SUGCT: variants seen among roughly 807,000 people sequenced by gnomAD.
The protein encoded by SUGCT is succinyl-CoA:glutarate CoA-transferase.
A neutral mutation model predicts 55.0 loss-of-function variants in SUGCT; 41 were observed. The observed-to-expected ratio is 0.74, with a 90% confidence interval of 0.58 to 0.97. SUGCT has a LOEUF of 0.97. SUGCT is among the 50% of genes least tolerant of loss of function. The pLI is 0.00. For synonymous variants in SUGCT, 187 were observed against 200.4 expected, an observed-to-expected ratio of 0.93 and a Z score of 0.56; for missense variants, 568 against 547.8, an observed-to-expected ratio of 1.04 and a Z score of -0.37.
chr7:40,245,821 A>G (rs1202166426), intron 7 of SUGCT, among the ~76,000 whole-genome samples: 1 of 151,870 alleles, frequency 6.6e-6, no homozygotes, highest in Non-Finnish European at 1.5e-5. Context: ...TAAATGGGGT[A>G]TCCATCACCT....
intron 9 of SUGCT, among the ~76,000 whole-genome samples, chr7:40,407,497 A>G (rs1165825523): frequency 6.6e-6 from 1 of 152,134 alleles, no homozygotes; most frequent in Non-Finnish European, 1.5e-5. Context: ...GTCATCATTT[A>G]TGGTCCTCTT....
At chr7:40,513,024 A>G (rs1461352760) in intron 12 of SUGCT, among the ~76,000 whole-genome samples, 2 of 152,326 alleles carry the variant, frequency 1.3e-5, no homozygotes, top group East Asian at 3.9e-4. Flanking sequence ...AATGGAGCCC[A>G]GCATGATCCG....
At chr7:41,033,834 G>A in the SUGCT span, among the ~76,000 whole-genome samples, 19 of 151,932 alleles carry the variant, frequency 1.3e-4, no homozygotes, top group African/African-American at 4.1e-4. Context: ...AGCTGGCCCC[G>A]TGTGCTGAGC....
At chr7:40,405,442 T>C (rs982749183) in intron 9 of SUGCT, among the ~76,000 whole-genome samples, 1 of 152,214 alleles carries the variant, frequency 6.6e-6, no homozygotes, top group Admixed American at 6.5e-5. Context: ...GTTTTAATTA[T>C]TACAAAGCAC....
intron 12 of SUGCT, among the ~76,000 whole-genome samples, chr7:40,578,326 A>T (rs1289669064): frequency 1.3e-5 from 2 of 149,808 alleles, no homozygotes; most frequent in Admixed American, 1.3e-4. Context: ...TACATTGAAA[A>T]CTCCTGAGTA....
chr7:40,723,491 C>G (rs1422498160), intron 12 of SUGCT, among the ~76,000 whole-genome samples: 1 of 152,098 alleles, frequency 6.6e-6, no homozygotes, highest in African/African-American at 2.4e-5. Flanking sequence ...AATTCCTCAA[C>G]CGATAATGCA....
chr7:41,036,835 T>C, the SUGCT span, among the ~76,000 whole-genome samples: 2 of 152,194 alleles, frequency 1.3e-5, no homozygotes, highest in East Asian at 1.9e-4. Flanking sequence ...TCCCAGCTAA[T>C]CTTCTGTTAC....
rs138579332 is a variant in SUGCT at position 40,188,313 on chromosome 7, A to G, written c.227-182A>G. On this transcript the variant is annotated intron_variant, in intron 3 of 13. Coordinates refer to ENST00000335693, the MANE Select transcript of SUGCT (RefSeq NM_001193313.2). The stretch of plus-strand genomic sequence containing the variant: ...GCCAGGTATGGTGGTGCACACCTGT[A>G]ATCCCAGCTACTCAGGTGGCTGAGG... Among the ~76,000 whole-genome samples, 5,880 of 152,000 alleles carry G rather than the reference A, an allele frequency of 0.039. 144 individuals are homozygous for G. The highest frequency in any genetic ancestry group is 0.082 in the Middle Eastern group (24 of 294).
At chr7:40,168,226 A>AC (rs1431087365) in intron 1 of SUGCT, among the ~76,000 whole-genome samples, 2 of 151,806 alleles carry the variant, frequency 1.3e-5, no homozygotes, top group African/African-American at 4.8e-5. Flanking sequence ...GTCTCTCAGT[A>AC]CCCCCCAACA....
chr7:40,770,472 A>G (rs1404743003), intron 13 of SUGCT, among the ~76,000 whole-genome samples: 1 of 152,112 alleles, frequency 6.6e-6, no homozygotes, highest in Non-Finnish European at 1.5e-5. Flanking sequence ...CATCATATCT[A>G]TGTTCCAGAC....
intron 12 of SUGCT, among the ~76,000 whole-genome samples, chr7:40,581,215 C>G (rs1162178125): frequency 6.6e-6 from 1 of 152,078 alleles, no homozygotes; most frequent in East Asian, 1.9e-4. Flanking sequence ...AAACAGTTTA[C>G]AATTAACTTG....
chr7:40,984,194 G>C, the SUGCT span, among the ~76,000 whole-genome samples: 1 of 152,052 alleles, frequency 6.6e-6, no homozygotes, highest in East Asian at 1.9e-4. Flanking sequence ...CGAAGATTTG[G>C]TTGTTTTATA....
intron 12 of SUGCT, among the ~76,000 whole-genome samples, chr7:40,716,498 C>T (rs900975560): frequency 6.6e-6 from 1 of 152,070 alleles, no homozygotes; most frequent in Non-Finnish European, 1.5e-5. Context: ...CTATTAAATG[C>T]TTGTTGTGTT....
chr7:40,185,755 T>C (rs960029381), intron 3 of SUGCT, among the ~76,000 whole-genome samples: 2 of 152,138 alleles, frequency 1.3e-5, no homozygotes, highest in South Asian at 2.1e-4. Context: ...ACTCCTGACC[T>C]CAGGTGATCC....
At chr7:40,572,272 T>C (rs1796491103) in intron 12 of SUGCT, among the ~76,000 whole-genome samples, 1 of 152,170 alleles carries the variant, frequency 6.6e-6, no homozygotes, top group Non-Finnish European at 1.5e-5. Context: ...AGAAAATTTG[T>C]TGGTGTGGCA....
intron 13 of SUGCT, among the ~76,000 whole-genome samples, chr7:40,833,280 TA>T (rs1006347242): frequency 6.6e-6 from 1 of 152,014 alleles, no homozygotes; most frequent in African/African-American, 2.4e-5. Context: ...CAAGAAACAT[TA>T]ACAACCCAAG....
intron 13 of SUGCT, among the ~76,000 whole-genome samples, chr7:40,845,138 A>G (rs1793493148): frequency 6.6e-6 from 1 of 152,148 alleles, no homozygotes; most frequent in African/African-American, 2.4e-5. Context: ...TGGAGGATAC[A>G]CAATGAACAA....
intron 11 of SUGCT, among the ~76,000 whole-genome samples, chr7:40,495,227 C>CTTTTT (rs79094909): frequency 7.2e-6 from 1 of 138,576 alleles, no homozygotes; most frequent in African/African-American, 2.6e-5. Context: ...TATTTCTATG[C>CTTTTT]TTTTTTTTTT....
In SUGCT at chr7:40,469,408, C is replaced by A. The variant is rs1160734146; in HGVS notation, c.986+10210C>A. ...TCCTTGGCAGTGCTGCCATTATCAG[C>A]TAATAGATGGTCCCTTGTAAAATGT... On this transcript the variant is annotated intron_variant, in intron 11 of 13. Coordinates refer to ENST00000335693, the MANE Select transcript of SUGCT (RefSeq NM_001193313.2). 2.6e-5 allele frequency among the ~76,000 whole-genome samples: 4 copies of A among 152,202 alleles called. No homozygotes were observed. In the East Asian group the frequency reaches 7.7e-4, roughly 29 times the overall value.
Sources: gnomAD v4.1 joint callset for allele counts (sites outside exome capture counted in the v4.1 genomes callset) on GRCh38, gnomAD v4.1.1 for gene constraint, MANE v1.5 for transcripts, NCBI Gene and HGNC (gene_info 2026-07-23, HGNC 2026-07-21) for gene names.